NRCAM: variants seen among roughly 807,000 people sequenced by gnomAD.
The protein encoded by NRCAM is NgCAM-related cell adhesion molecule.
In NRCAM, 83 loss-of-function variants were observed where a neutral mutation model predicts 156.5. The observed-to-expected ratio is 0.53, with a 90% CI of 0.44 to 0.64. The LOEUF (loss-of-function observed/expected upper bound fraction) is 0.64. NRCAM is among the 30% of genes least tolerant of loss of function. NRCAM has a pLI of 0.00. For synonymous variants in NRCAM, 538 were observed against 563.9 expected, an observed-to-expected ratio of 0.95 and a Z score of 0.65; for missense variants, 1,417 against 1,597.3, an observed-to-expected ratio of 0.89 and a Z score of 1.92.
intron 1 of NRCAM, among the ~76,000 whole-genome samples, chr7:108,407,418 T>G (rs915434202): frequency 6.6e-6 from 1 of 152,200 alleles, no homozygotes. Flanking sequence ...ACCAGTAAGA[T>G]TGTTATATGG....
At chr7:108,279,796 G>A (rs1175208878) in intron 3 of NRCAM, among the ~76,000 whole-genome samples, 2 of 152,026 alleles carry the variant, frequency 1.3e-5, no homozygotes, top group Non-Finnish European at 2.9e-5. Flanking sequence ...TCCTGAGCAA[G>A]TGATCCTCCC....
chr7:108,298,601 C>T (rs2098503121), intron 3 of NRCAM, among the ~76,000 whole-genome samples: 2 of 151,248 alleles, frequency 1.3e-5, no homozygotes, highest in South Asian at 4.2e-4. Flanking sequence ...TGCAGTGAGC[C>T]GAGATCGCGC....
intron 29 of NRCAM, 32 bp downstream of exon 29, chr7:108,168,245 A>G (rs908742197): frequency 6.8e-7 from 1 of 1,478,766 alleles, no homozygotes. Flanking sequence ...CATCCCCCAA[A>G]TTAAAAATCG....
At chr7:108,219,033 A>G (rs1484621824) in intron 11 of NRCAM, among the ~76,000 whole-genome samples, 3 of 152,198 alleles carry the variant, frequency 2.0e-5, no homozygotes, top group Non-Finnish European at 4.4e-5. Flanking sequence ...AGATATTACA[A>G]CTGACATCAC....
rs538052358 is a variant in NRCAM at position 108,344,313 on chromosome 7, C to G, written c.-173-31582G>C. Among the ~76,000 whole-genome samples, 4 of 152,172 alleles carry G rather than the reference C, an allele frequency of 2.6e-5. No individual in the cohort carries two copies. In the South Asian group the frequency reaches 8.3e-4, roughly 32 times the overall value. On this transcript the variant is annotated intron_variant, in intron 2 of 32. Transcript: ENST00000379028. ...GTAGTAAAGAGAGCTCACTAAAATG[C>G]TAATTAGGCAAAAATAGGAGGTAAA...
chr7:108,159,686 T>G (rs2047669570), intron 31 of NRCAM, 145 bp from the exon 32 acceptor site: 1 of 611,368 alleles, frequency 1.6e-6, no homozygotes, highest in African/African-American at 1.9e-5. Context: ...ATGGTGGCCA[T>G]GCATATATTT....
intron 3 of NRCAM, among the ~76,000 whole-genome samples, chr7:108,261,963 C>T (rs2096903847): frequency 6.6e-6 from 1 of 152,166 alleles, no homozygotes; most frequent in Admixed American, 6.5e-5. Flanking sequence ...TTCATAAACC[C>T]TTTCACCAGT....
intron 3 of NRCAM, among the ~76,000 whole-genome samples, chr7:108,272,464 G>A (rs1415485269): frequency 6.6e-6 from 1 of 152,100 alleles, no homozygotes; most frequent in Non-Finnish European, 1.5e-5. Context: ...TGACAAACCT[G>A]ACCAGTTGAC....
In NRCAM at chr7:108,232,348, A is replaced by C; in HGVS notation, c.405T>G (p.Asn135Lys). Residue 135 changes from asparagine to lysine, a missense_variant, in exon 7 of 33, where the codon AAT becomes AAG. Around this residue, in one of 2 missense-constraint regions of NRCAM, gnomAD observed 1,238 missense variants for 1,336.4 expected, o/e 0.93. Transcript: ENST00000379028. ...TACTGGATGGGCGGACAACAATGTTATTAGAAACTGCAGCTCCGCGTTCGT... is the reference window on the plus strand; with the variant it reads ...TACTGGATGGGCGGACAACAATGTTCTTAGAAACTGCAGCTCCGCGTTCGT... ...ARNERGAAVS[N>K]NIVVRPSRSP... 1 of 1,605,884 alleles carries C rather than the reference A, an allele frequency of 6.2e-7. No homozygotes were observed. The highest frequency in any genetic ancestry group is 8.5e-7 in the Non-Finnish European group (1 of 1,177,414).
At chr7:108,449,771 A>G (rs980469871) in intron 1 of NRCAM, among the ~76,000 whole-genome samples, 1 of 152,198 alleles carries the variant, frequency 6.6e-6, no homozygotes, top group South Asian at 2.1e-4. Flanking sequence ...TGGAGAAAAG[A>G]TCACTACATG....
At chr7:108,406,582 C>T in intron 1 of NRCAM, among the ~76,000 whole-genome samples, 1 of 152,226 alleles carries the variant, frequency 6.6e-6, no homozygotes, top group East Asian at 1.9e-4. Context: ...ACTATTACAA[C>T]AGCCCATATG....
At chr7:108,335,434 C>CTTTTTTTTTTTTTTTTTTT (rs58975301) in intron 2 of NRCAM, among the ~76,000 whole-genome samples, 34 of 69,878 alleles carry the variant, frequency 4.9e-4, no homozygotes, top group Middle Eastern at 0.014. Context: ...GTTCCACCTG[C>CTTTTTTTTTTTTTTTTTTT]TTTTTTTTTT....
chr7:108,207,437 T>C (rs969301485), intron 13 of NRCAM, 91 bp downstream of exon 13: 10 of 1,365,700 alleles, frequency 7.3e-6, no homozygotes, highest in Non-Finnish European at 9.0e-6. Flanking sequence ...TTCCTTAACC[T>C]GAGTTATTTT....
intron 2 of NRCAM, among the ~76,000 whole-genome samples, chr7:108,344,177 G>C (rs1450315206): frequency 1.8e-4 from 28 of 152,156 alleles, no homozygotes; most frequent in Non-Finnish European, 4.4e-5. Context: ...TGAGAGACAG[G>C]ACTAGCTGGA....
In NRCAM at chr7:108,232,310, A is replaced by C; in HGVS notation, c.427+16T>G. On this transcript the variant is annotated intron_variant, in intron 7 of 32. Coordinates refer to ENST00000379028, the MANE Select transcript of NRCAM (RefSeq NM_001037132.4). ...ACTTTAAAAAGGGTCATGTTGGTTG[A>C]CAAGTTTCCACTTACTGGATGGGCG... The C allele has an allele frequency of 6.3e-7, 1 of 1,577,418 alleles. No homozygotes were observed.
intron 32 of NRCAM, among the ~76,000 whole-genome samples, chr7:108,158,521 C>T (rs2046893545): frequency 6.6e-6 from 1 of 152,056 alleles, no homozygotes; most frequent in Admixed American, 6.6e-5. Context: ...TAAAACTTAA[C>T]ATAAATATCT....
At chr7:108,209,235 T>C (rs1408263006) in intron 12 of NRCAM, among the ~76,000 whole-genome samples, 186 bp downstream of exon 12, 3 of 152,206 alleles carry the variant, frequency 2.0e-5, no homozygotes, top group Non-Finnish European at 4.4e-5. Flanking sequence ...GTGAGGAAGA[T>C]TTGAACAAGT....
At chr7:108,371,902 T>C (rs1723439341) in intron 2 of NRCAM, among the ~76,000 whole-genome samples, 1 of 152,120 alleles carries the variant, frequency 6.6e-6, no homozygotes, top group South Asian at 2.1e-4. Context: ...CAAAAGATCA[T>C]GAATAGCCAA....
At chr7:108,429,027 C>T (rs1422219008) in intron 1 of NRCAM, among the ~76,000 whole-genome samples, 2 of 151,928 alleles carry the variant, frequency 1.3e-5, no homozygotes, top group African/African-American at 2.4e-5. Context: ...TCAGTAATCC[C>T]GCACAAGCAC....
Sources: allele counts gnomAD v4.1 joint callset (sites outside exome capture counted in the v4.1 genomes callset), GRCh38; gene constraint gnomAD v4.1.1; regional missense constraint gnomAD v4.1.1; transcripts MANE v1.5; gene names NCBI Gene and HGNC (gene_info 2026-07-23, HGNC 2026-07-21).